AOPEP: variants seen among roughly 807,000 people sequenced by gnomAD.
AOPEP encodes the protein aminopeptidase O.
A neutral mutation model predicts 98.1 loss-of-function variants in AOPEP; 77 were observed. The ratio of observed to expected loss-of-function variants is 0.78; its 90% CI spans 0.65 to 0.95. The LOEUF (loss-of-function observed/expected upper bound fraction) is 0.95. AOPEP is among the 40% of genes least tolerant of loss of function. AOPEP has a pLI of 0.00. For synonymous variants in AOPEP, 346 were observed against 365.3 expected (o/e 0.95, Z 0.60); for missense variants, 1,024 against 1,024.7 (o/e 1.00, Z 0.01).
intron 13 of AOPEP, among the ~76,000 whole-genome samples, chr9:95,041,789 G>T (rs745949458): frequency 6.6e-6 from 1 of 151,938 alleles, no homozygotes; most frequent in Non-Finnish European, 1.5e-5. Flanking sequence ...GGCCTCCGTG[G>T]CGCTATAAAA....
At chr9:94,812,702 G>A (rs567063046) in intron 5 of AOPEP, among the ~76,000 whole-genome samples, 92 of 152,168 alleles carry the variant, frequency 6.0e-4, no homozygotes, top group Admixed American at 7.2e-4. Context: ...CCTTCCTATG[G>A]GTCTCTGAGC....
chr9:94,967,422 G>A (rs2059273362), intron 9 of AOPEP, among the ~76,000 whole-genome samples: 1 of 152,166 alleles, frequency 6.6e-6, no homozygotes, highest in South Asian at 2.1e-4. Flanking sequence ...GGAATTGGAG[G>A]CGATGGGGGA....
intron 9 of AOPEP, among the ~76,000 whole-genome samples, chr9:94,957,202 C>CT (rs1345275358): frequency 2.0e-5 from 3 of 152,064 alleles, no homozygotes; most frequent in African/African-American, 4.8e-5. Flanking sequence ...TTGCTTCTCT[C>CT]TTTTTTGTTG....
intron 5 of AOPEP, among the ~76,000 whole-genome samples, chr9:94,908,944 C>G (rs1001692720): frequency 6.6e-6 from 1 of 152,110 alleles, no homozygotes; most frequent in African/African-American, 2.4e-5. Context: ...GTCATTTCTC[C>G]TAGTATGTTT....
intron 5 of AOPEP, among the ~76,000 whole-genome samples, chr9:94,855,981 A>G (rs1274175929): frequency 6.6e-6 from 1 of 152,176 alleles, no homozygotes; most frequent in East Asian, 1.9e-4. Flanking sequence ...CAGCAATGGG[A>G]CTTATACGTA....
Position 94,760,427 on chromosome 9 carries a change from G to A in AOPEP, c.644G>A (p.Cys215Tyr), listed in dbSNP as rs368705058. 1.2e-6 allele frequency: 2 copies of A among 1,613,998 alleles called. No homozygotes were observed. Among genetic ancestry groups the A allele is most frequent in the South Asian group, 2.2e-5 (2 of 91,054 alleles). ...GCTCGCTGCAGCCAGGCTCCTGGCT[G>A]TGGGGAACTCCTCTTTGACACTGAC... ...YYARCSQAPG[C>Y]GELLFDTDTW... The change falls in exon 2 of 17, where the codon TGT becomes TAT. Residue 215 changes from cysteine (C) to tyrosine (Y), a missense_variant. Transcript: ENST00000375315.
At chr9:95,042,417 G>A (rs1489775170) in intron 13 of AOPEP, among the ~76,000 whole-genome samples, 1 of 152,214 alleles carries the variant, frequency 6.6e-6, no homozygotes, top group Non-Finnish European at 1.5e-5. Flanking sequence ...AGGCTAAGAA[G>A]CAATGACATT....
At chr9:95,091,040 G>T (rs2070859862), downstream of AOPEP, among the ~76,000 whole-genome samples, 1 of 152,174 alleles carries the variant, frequency 6.6e-6, no homozygotes. Context: ...CGGTGGCCGG[G>T]CCTGGGGGAG....
chr9:94,925,040 GGAGT>G (rs2054097677), intron 6 of AOPEP, among the ~76,000 whole-genome samples: 2 of 152,210 alleles, frequency 1.3e-5, no homozygotes, highest in East Asian at 3.8e-4. Context: ...CGCCCAGGCT[GGAGT>G]GCAGTGGCAC....
At chr9:95,111,557 A>G in the AOPEP span, 5 of 1,614,186 alleles carry the variant, frequency 3.1e-6, no homozygotes, top group Non-Finnish European at 4.2e-6. Context: ...TGCCGACATC[A>G]GTAATTGCTC....
Position 94,739,147 on chromosome 9 carries a change from G to A in AOPEP, c.-136+12396G>A, listed in dbSNP as rs149938487. 2.8e-3 allele frequency among the ~76,000 whole-genome samples: 421 copies of A among 152,236 alleles called. 1 individual carries two copies. Among genetic ancestry groups the A allele is most frequent in the African/African-American group, 9.7e-3 (403 of 41,552 alleles). ...TCATCTGGCTTCCTCTGCTCTCAGA[G>A]CTGCCTCCACCCACCCATCTCCTGG... On this transcript the variant is annotated intron_variant, in intron 1 of 16. Transcript: ENST00000375315.
chr9:94,931,829 C>T, intron 7 of AOPEP: 6 of 1,532,732 alleles, frequency 3.9e-6, no homozygotes, highest in Non-Finnish European at 5.3e-6. Context: ...ACTTTCTCCT[C>T]CTGGCTTCTG....
intron 9 of AOPEP, among the ~76,000 whole-genome samples, chr9:94,964,787 C>A (rs1271062664): frequency 6.6e-6 from 1 of 151,736 alleles, no homozygotes; most frequent in Non-Finnish European, 1.5e-5. Flanking sequence ...TTACAGGTGC[C>A]CACCAACCCA....
intron 7 of AOPEP, chr9:94,932,810 G>T (rs906655699): frequency 1.0e-6 from 1 of 985,348 alleles, no homozygotes; most frequent in Non-Finnish European, 1.2e-6. Flanking sequence ...TGACTTTGCT[G>T]TGTTTCCTTT....
At chr9:95,100,918 C>T in the AOPEP span, 2 of 232,940 alleles carry the variant, frequency 8.6e-6, no homozygotes, top group Non-Finnish European at 1.7e-5. Flanking sequence ...GTGTGAGCCA[C>T]TGCACCCAGC....
intron 13 of AOPEP, among the ~76,000 whole-genome samples, chr9:95,013,406 C>CTTTTT (rs11453647): frequency 7.1e-6 from 1 of 140,440 alleles, no homozygotes; most frequent in African/African-American, 2.6e-5. Context: ...AAATATTATC[C>CTTTTT]TTTTTTTTTT....
rs754763664 is a variant in AOPEP, at chr9:94,760,417, G to A, written c.634G>A (p.Ala212Thr). ...QLDYYARCSQ[A>T]PGCGELLFDT... ...AGACTATTACGCTCGCTGCAGCCAG[G>A]CTCCTGGCTGTGGGGAACTCCTCTT... Residue 212 changes from alanine to threonine, a missense_variant, in exon 2 of 17, where the codon GCT becomes ACT. Around this residue, in one of 3 missense-constraint regions of AOPEP, gnomAD observed 440 missense variants for 433.8 expected, o/e 1.01. Transcript: ENST00000375315. 3 of 1,613,858 alleles carry A rather than the reference G, an allele frequency of 1.9e-6. No individual in the cohort carries two copies. The highest frequency in any genetic ancestry group is 2.7e-5 in the African/African-American group (2 of 74,898).
intron 13 of AOPEP, among the ~76,000 whole-genome samples, chr9:95,043,733 G>GGTTGT (rs2065574151): frequency 6.6e-6 from 1 of 152,068 alleles, no homozygotes; most frequent in Non-Finnish European, 1.5e-5. Context: ...GGCAAGATGA[G>GGTTGT]GGCACAGTGC....
the AOPEP span, chr9:95,117,410 C>A: frequency 6.2e-7 from 1 of 1,607,616 alleles, no homozygotes; most frequent in East Asian, 2.2e-5. Flanking sequence ...GATGGAAAAT[C>A]CAAAGAGCAT....
Sources: allele counts gnomAD v4.1 joint callset (sites outside exome capture counted in the v4.1 genomes callset), GRCh38; gene constraint gnomAD v4.1.1; regional missense constraint gnomAD v4.1.1; transcripts MANE v1.5; gene names NCBI Gene and HGNC (gene_info 2026-07-23, HGNC 2026-07-21).